Variants in PRKCA observed in about 807,000 individuals in gnomAD.
PRKCA encodes protein kinase C alpha type.
Under a neutral mutation model 87.0 loss-of-function variants are expected in PRKCA, and 27 were observed. That is an observed-to-expected ratio of 0.31 (90% CI 0.23 to 0.43). PRKCA has a LOEUF of 0.43. Ranked by LOEUF, PRKCA falls within the 20% of genes least tolerant of loss-of-function variation. The pLI is 1.00. For synonymous variants in PRKCA, 329 were observed against 311.1 expected, an observed-to-expected ratio of 1.06 and a Z score of -0.61; for missense variants, 518 against 852.3, an observed-to-expected ratio of 0.61 and a Z score of 4.88.
At chr17:66,766,803 C>A (rs1474351201) in intron 13 of PRKCA, among the ~76,000 whole-genome samples, 1 of 131,752 alleles carries the variant, frequency 7.6e-6, no homozygotes, top group Non-Finnish European at 1.6e-5. Context: ...AGCGAAACTC[C>A]TTCTCAAAAA....
At chr17:66,634,348 C>T (rs1016446072) in intron 3 of PRKCA, among the ~76,000 whole-genome samples, 1 of 152,120 alleles carries the variant, frequency 6.6e-6, no homozygotes, top group Admixed American at 6.5e-5. Flanking sequence ...TTCCCTCTTT[C>T]GTTATAATAT....
At chr17:66,710,709 T>TCC (rs1973304159) in intron 8 of PRKCA, among the ~76,000 whole-genome samples, 1 of 151,950 alleles carries the variant, frequency 6.6e-6, no homozygotes, top group Non-Finnish European at 1.5e-5. Flanking sequence ...TAGACCAGTC[T>TCC]CCCCTCCTCT....
Position 66,771,795 on chromosome 17 carries a change from C to T in PRKCA, c.1525-2192C>T, listed in dbSNP as rs540073381. ...ATTTATAGTAGAGACAGGGTTTTACCATGTTGTCCAGGATGGTCTCCATCT... is the reference window on the plus strand; with the variant it reads ...ATTTATAGTAGAGACAGGGTTTTACTATGTTGTCCAGGATGGTCTCCATCT... On this transcript the variant is annotated intron_variant, in intron 13 of 16. Coordinates refer to ENST00000413366, the MANE Select transcript of PRKCA (RefSeq NM_002737.3). Among the ~76,000 whole-genome samples, 296 of 152,148 alleles carry T rather than the reference C, an allele frequency of 1.9e-3. 1 individual carries two copies. The highest frequency in any genetic ancestry group is 6.8e-3 in the African/African-American group (281 of 41,494).
chr17:66,453,913 G>A (rs1598685947), intron 2 of PRKCA, among the ~76,000 whole-genome samples: 2 of 152,146 alleles, frequency 1.3e-5, no homozygotes, highest in East Asian at 3.8e-4. Flanking sequence ...TTAAAGCTGT[G>A]GGATATGATT....
chr17:66,712,741 A>G (rs57150039), intron 8 of PRKCA, among the ~76,000 whole-genome samples: 5,172 of 152,156 alleles, frequency 0.034, 251 homozygotes, highest in African/African-American at 0.11. Context: ...CCCAGCTCCA[A>G]TATTTCATAG....
Position 66,808,320 on chromosome 17 carries a change from C to CGGTTTTT in PRKCA, c.*4283_*4284insGGTTTTT, listed in dbSNP as rs1300909040. 27 of 69,618 alleles carry CGGTTTTT rather than the reference C, an allele frequency of 3.9e-4. 2 individuals carry two copies. Among genetic ancestry groups the CGGTTTTT allele is most frequent in the Admixed American group, 2.8e-3 (23 of 8,100 alleles). 4.3% of individuals were successfully genotyped at this position (69,618 alleles called of 1,614,324 possible). On this transcript the variant is annotated 3_prime_UTR_variant, in exon 17 of 17. Coordinates refer to ENST00000413366, the MANE Select transcript of PRKCA (RefSeq NM_002737.3). ...CGGAGGGTTTTTTTTGTTTTTGTTC[C>CGGTTTTT]TGTTTTTTTTTTTTTTGCTGGAATT...
chr17:66,736,020 AC>A (rs931108398), intron 10 of PRKCA, among the ~76,000 whole-genome samples: 1 of 146,426 alleles, frequency 6.8e-6, no homozygotes, highest in Non-Finnish European at 1.5e-5. Flanking sequence ...AGTTGAGACC[AC>A]AGATGTACCC....
chr17:66,566,480 G>GTTT (rs56912157), intron 3 of PRKCA, among the ~76,000 whole-genome samples: 91 of 97,010 alleles, frequency 9.4e-4, no homozygotes, highest in African/African-American at 1.4e-3. Context: ...TTGTTTTTTG[G>GTTT]TTTTTTTTTT....
chr17:66,440,713 C>T (rs961663584), intron 2 of PRKCA, among the ~76,000 whole-genome samples: 2 of 152,094 alleles, frequency 1.3e-5, no homozygotes, highest in Non-Finnish European at 2.9e-5. Context: ...CAGTGAGGGA[C>T]ACTCTTCAAG....
chr17:66,778,078 TCACGCCCCCTGGAGAG>T (rs1975104100), intron 14 of PRKCA: 2 of 985,414 alleles, frequency 2.0e-6, no homozygotes, highest in Non-Finnish European at 2.4e-6. Flanking sequence ...CCTACTAAGC[TCACGCCCCCTGGAGAG>T]CACCAGGCTC....
intron 2 of PRKCA, among the ~76,000 whole-genome samples, chr17:66,447,732 C>T (rs1314735172): frequency 6.6e-6 from 1 of 152,350 alleles, no homozygotes; most frequent in Non-Finnish European, 1.5e-5. Flanking sequence ...TCCAGGGCCC[C>T]CTGGCCCTTT....
chr17:66,784,052 A>G (rs1049965416), intron 14 of PRKCA, among the ~76,000 whole-genome samples: 1 of 152,144 alleles, frequency 6.6e-6, no homozygotes, highest in African/African-American at 2.4e-5. Flanking sequence ...TTGCACTGAG[A>G]CTTGGAAAGT....
intron 5 of PRKCA, among the ~76,000 whole-genome samples, chr17:66,686,383 C>T (rs1972628681): frequency 6.6e-6 from 1 of 152,122 alleles, no homozygotes; most frequent in Admixed American, 6.6e-5. Context: ...ACCCAAGGTT[C>T]TGCATGTCTA....
intron 5 of PRKCA, among the ~76,000 whole-genome samples, chr17:66,652,206 G>C (rs9904676): frequency 0.58 from 87,550 of 152,030 alleles, 25,291 homozygotes; most frequent in Admixed American, 0.6. Flanking sequence ...TGATCCACCT[G>C]CCTTGACCTC....
chr17:66,482,061 A>G (rs565673804), intron 2 of PRKCA, among the ~76,000 whole-genome samples: 6 of 135,108 alleles, frequency 4.4e-5, no homozygotes, highest in Non-Finnish European at 7.6e-5. Flanking sequence ...AAATCGCGCC[A>G]TTGTACTCCA....
chr17:66,520,881 C>A (rs1439806972), intron 3 of PRKCA, among the ~76,000 whole-genome samples: 3 of 152,202 alleles, frequency 2.0e-5, no homozygotes, highest in African/African-American at 7.2e-5. Context: ...CAGTGAAATT[C>A]TCTGAGGTCT....
chr17:66,312,393 C>T (rs1905126881), intron 2 of PRKCA, among the ~76,000 whole-genome samples: 2 of 152,188 alleles, frequency 1.3e-5, no homozygotes, highest in African/African-American at 4.8e-5. Context: ...TCCTCACTTG[C>T]TCAATTGTTT....
At chr17:66,364,636 G>T (rs1422281284) in intron 2 of PRKCA, among the ~76,000 whole-genome samples, 3 of 152,178 alleles carry the variant, frequency 2.0e-5, no homozygotes, top group Admixed American at 6.5e-5. Flanking sequence ...CGGGAGCAGG[G>T]AGGGTGTGAT....
chr17:66,491,284 T>C (rs1337476495), intron 2 of PRKCA, among the ~76,000 whole-genome samples: 4 of 100,218 alleles, frequency 4.0e-5, no homozygotes, highest in Non-Finnish European at 5.9e-5. Context: ...AAACCTCTCA[T>C]TGGGTTATAT....
Sources: gnomAD v4.1 joint callset for allele counts (sites outside exome capture counted in the v4.1 genomes callset) on GRCh38, gnomAD v4.1.1 for gene constraint, MANE v1.5 for transcripts, NCBI Gene and HGNC (gene_info 2026-07-23, HGNC 2026-07-21) for gene names.